BRINP3: variants seen among roughly 807,000 people sequenced by gnomAD.
BRINP3 encodes BMP/retinoic acid inducible neural specific 3.
In BRINP3, 19 loss-of-function variants were observed where a neutral mutation model predicts 71.0. The ratio of observed to expected loss-of-function variants is 0.27; its 90% CI spans 0.19 to 0.39. The LOEUF (loss-of-function observed/expected upper bound fraction) is 0.39, where lower values mean the gene tolerates loss of function less well. Ranked by LOEUF, BRINP3 falls within the 10% of genes least tolerant of loss-of-function variation. The pLI, the probability that BRINP3 is intolerant of heterozygous loss-of-function variation, is 1.00. For synonymous variants in BRINP3, 380 were observed against 337.7 expected, an observed-to-expected ratio of 1.13 and a Z score of -1.37; for missense variants, 959 against 940.8, an observed-to-expected ratio of 1.02 and a Z score of -0.25.
At chr1:190,208,272 C>A (rs537896566) in intron 6 of BRINP3, among the ~76,000 whole-genome samples, 1 of 151,810 alleles carries the variant, frequency 6.6e-6, no homozygotes, top group Non-Finnish European at 1.5e-5. Flanking sequence ...AATACATACT[C>A]TTATATCATG....
At chr1:190,347,194 G>A (rs1240608073) in intron 2 of BRINP3, among the ~76,000 whole-genome samples, 1 of 152,058 alleles carries the variant, frequency 6.6e-6, no homozygotes, top group Non-Finnish European at 1.5e-5. Context: ...AGGCTGGAGT[G>A]TAGTGGTGCA....
At chr1:190,279,992 T>C (rs962709688) in intron 3 of BRINP3, among the ~76,000 whole-genome samples, 2 of 151,878 alleles carry the variant, frequency 1.3e-5, no homozygotes, top group African/African-American at 4.8e-5. Context: ...ATTATAGCCA[T>C]GGGGATGAAG....
intron 2 of BRINP3, among the ~76,000 whole-genome samples, chr1:190,401,199 A>C (rs1671896754): frequency 1.3e-5 from 2 of 151,878 alleles, no homozygotes; most frequent in Non-Finnish European, 2.9e-5. Flanking sequence ...ATTTACCAAA[A>C]ACATGAAAAT....
chr1:190,226,710 T>C (rs1657415606), intron 5 of BRINP3, among the ~76,000 whole-genome samples: 1 of 152,018 alleles, frequency 6.6e-6, no homozygotes, highest in Non-Finnish European at 1.5e-5. Flanking sequence ...TATTTTCATT[T>C]TGTTTGCAGA....
intron 5 of BRINP3, among the ~76,000 whole-genome samples, chr1:190,230,497 T>C (rs933480065): frequency 6.6e-6 from 1 of 151,910 alleles, no homozygotes; most frequent in Non-Finnish European, 1.5e-5. Flanking sequence ...CCAAAGCTGG[T>C]AAACTGTGGT....
chr1:190,312,866 T>C (rs572133710), intron 2 of BRINP3, among the ~76,000 whole-genome samples: 1 of 151,968 alleles, frequency 6.6e-6, no homozygotes. Flanking sequence ...CTTTGCCAAT[T>C]TGTGGTTATA....
intron 2 of BRINP3, among the ~76,000 whole-genome samples, chr1:190,373,935 G>A (rs1450521847): frequency 2.0e-5 from 3 of 151,010 alleles, no homozygotes; most frequent in Non-Finnish European, 3.0e-5. Flanking sequence ...GTAGGAGGCA[G>A]TGTAGTGTAG....
chr1:190,340,908 C>CT (rs141841783), intron 2 of BRINP3, among the ~76,000 whole-genome samples: 19,659 of 150,932 alleles, frequency 0.13, 1,664 homozygotes, highest in South Asian at 0.26. Context: ...GATACTCATT[C>CT]TTTTTTTTTC....
chr1:190,399,771 A>T (rs954466937), intron 2 of BRINP3, among the ~76,000 whole-genome samples: 1 of 152,002 alleles, frequency 6.6e-6, no homozygotes, highest in Admixed American at 6.6e-5. Flanking sequence ...GTCTATTACA[A>T]TTTCTGAGAT....
At chr1:190,208,284 G>T (rs567933123) in intron 6 of BRINP3, among the ~76,000 whole-genome samples, 12 of 151,860 alleles carry the variant, frequency 7.9e-5, no homozygotes, top group Admixed American at 6.6e-4. Flanking sequence ...TATATCATGT[G>T]TTTTTGTGCA....
chr1:190,387,143 C>G (rs1377864499), intron 2 of BRINP3, among the ~76,000 whole-genome samples: 1 of 151,884 alleles, frequency 6.6e-6, no homozygotes, highest in Admixed American at 6.6e-5. Flanking sequence ...AGAACCATCA[C>G]TATTATATCT....
At chr1:190,453,203 A>ATTTTTTTTTGTTTT (rs1675746150) in intron 2 of BRINP3, among the ~76,000 whole-genome samples, 1 of 40,888 alleles carries the variant, frequency 2.4e-5, no homozygotes, top group Non-Finnish European at 4.2e-5. Flanking sequence ...AAACTTTAGT[A>ATTTTTTTTTGTTTT]TTTTTTTTTT....
chr1:190,371,133 TCA>T (rs898149577), intron 2 of BRINP3, among the ~76,000 whole-genome samples: 14 of 152,156 alleles, frequency 9.2e-5, no homozygotes, highest in African/African-American at 3.4e-4. Flanking sequence ...GGTAGACTAC[TCA>T]CTCTGTTTCT....
chr1:190,357,417 A>T (rs1185944489), intron 2 of BRINP3, among the ~76,000 whole-genome samples: 3 of 152,024 alleles, frequency 2.0e-5, no homozygotes, highest in Non-Finnish European at 4.4e-5. Context: ...ATGTGATAGA[A>T]AATTTTGATT....
intron 2 of BRINP3, among the ~76,000 whole-genome samples, chr1:190,293,722 A>G (rs146632094): frequency 7.3e-4 from 111 of 152,286 alleles, no homozygotes; most frequent in African/African-American, 2.5e-3. Flanking sequence ...ACAAACATTT[A>G]CTATCATTAT....
At chr1:190,192,302 A>C (rs1396131578) in intron 6 of BRINP3, among the ~76,000 whole-genome samples, 3 of 152,182 alleles carry the variant, frequency 2.0e-5, no homozygotes, top group Non-Finnish European at 4.4e-5. Flanking sequence ...TCAAATGATA[A>C]TTTTAGATCA....
intron 1 of BRINP3, among the ~76,000 whole-genome samples, chr1:190,461,607 C>A (rs144799946): frequency 6.6e-6 from 1 of 152,058 alleles, no homozygotes; most frequent in South Asian, 2.1e-4. Flanking sequence ...AATAAACCTG[C>A]ATAAATAAGT....
chr1:190,140,751 A>C (rs995289264), intron 7 of BRINP3, among the ~76,000 whole-genome samples: 5 of 152,186 alleles, frequency 3.3e-5, no homozygotes, highest in African/African-American at 1.2e-4. Context: ...AAGGATACCA[A>C]AATTAGCATT....
At chr1:190,180,712 T>A (rs1164109192) in intron 6 of BRINP3, among the ~76,000 whole-genome samples, 1 of 152,034 alleles carries the variant, frequency 6.6e-6, no homozygotes, top group Non-Finnish European at 1.5e-5. Context: ...TCCAATGGAT[T>A]TTTCAAAGAC....
Sources: gnomAD v4.1 joint callset for allele counts (sites outside exome capture counted in the v4.1 genomes callset) on GRCh38, gnomAD v4.1.1 for gene constraint, MANE v1.5 for transcripts, NCBI Gene and HGNC (gene_info 2026-07-23, HGNC 2026-07-21) for gene names.